Variants in KCNMA1 observed in about 807,000 individuals in gnomAD.
KCNMA1 encodes Calcium-activated potassium channel subunit alpha-1.
In KCNMA1, 29 loss-of-function variants were observed where a neutral mutation model predicts 140.0. The observed-to-expected ratio is 0.21, with a 90% CI of 0.15 to 0.28. The LOEUF (loss-of-function observed/expected upper bound fraction) is 0.28. Among genes scored for constraint, KCNMA1 ranks in the 10% least tolerant of loss-of-function variants. The pLI is 1.00. For synonymous variants in KCNMA1, 612 were observed against 611.9 expected (o/e 1.00, Z 0.00); for missense variants, 880 against 1,602.2 (o/e 0.55, Z 7.70).
intron 2 of KCNMA1, among the ~76,000 whole-genome samples, chr10:77,388,575 T>C (rs1418351404): frequency 6.6e-6 from 1 of 152,208 alleles, no homozygotes; most frequent in Non-Finnish European, 1.5e-5. Context: ...CTGTTTAATG[T>C]ACACAAAATT....
At chr10:77,305,523 T>G (rs2077486999) in intron 2 of KCNMA1, among the ~76,000 whole-genome samples, 1 of 152,160 alleles carries the variant, frequency 6.6e-6, no homozygotes, top group Non-Finnish European at 1.5e-5. Flanking sequence ...TCTTTACATC[T>G]CTTCAGGTTC....
chr10:77,224,673 C>T (rs1338945317), intron 3 of KCNMA1, among the ~76,000 whole-genome samples: 3 of 152,152 alleles, frequency 2.0e-5, no homozygotes, highest in African/African-American at 7.2e-5. Flanking sequence ...ATTGCAGTGC[C>T]AACTCAGAGC....
intron 16 of KCNMA1, among the ~76,000 whole-genome samples, chr10:77,022,014 C>A (rs2092920320): frequency 6.6e-6 from 1 of 152,192 alleles, no homozygotes; most frequent in African/African-American, 2.4e-5. Context: ...TCCCCGTCTT[C>A]TTCAAAATAT....
intron 1 of KCNMA1, among the ~76,000 whole-genome samples, chr10:77,535,574 A>G (rs1290795640): frequency 6.6e-6 from 1 of 152,182 alleles, no homozygotes; most frequent in African/African-American, 2.4e-5. Flanking sequence ...AATCACACAG[A>G]AGAGATCTCT....
intron 2 of KCNMA1, among the ~76,000 whole-genome samples, chr10:77,295,802 A>AAAAAAAAC (rs2074881975): frequency 6.7e-6 from 1 of 149,828 alleles, no homozygotes; most frequent in Non-Finnish European, 1.5e-5. Flanking sequence ...AAAAAAAAAA[A>AAAAAAAAC]AAAAAAAAAA....
At chr10:77,532,822 A>C (rs933788957) in intron 1 of KCNMA1, among the ~76,000 whole-genome samples, 6 of 152,124 alleles carry the variant, frequency 3.9e-5, no homozygotes, top group Non-Finnish European at 7.3e-5. Flanking sequence ...CAAGTGAAAA[A>C]ATCCAGATTT....
intron 2 of KCNMA1, among the ~76,000 whole-genome samples, chr10:77,267,526 T>C (rs2063765301): frequency 6.6e-6 from 1 of 152,194 alleles, no homozygotes; most frequent in African/African-American, 2.4e-5. Flanking sequence ...AAACTCTGTT[T>C]CATCTCATCA....
chr10:77,253,790 G>T (rs764429301), intron 2 of KCNMA1, among the ~76,000 whole-genome samples: 27 of 152,316 alleles, frequency 1.8e-4, no homozygotes, highest in Non-Finnish European at 3.5e-4. Context: ...ACGATGAAAT[G>T]CTCCCTGGGG....
Position 76,887,040 on chromosome 10 carries a change from T to C in KCNMA1, c.*226A>G. The stretch of plus-strand genomic sequence containing the variant: ...CCTTTGGGTTATTTTTCCCCCAGAA[T>C]CATAAATAACTTTTGGTCCGTCTGC... On this transcript the variant is annotated 3_prime_UTR_variant, in exon 28 of 28. Transcript: ENST00000286628. 1 of 1,423,416 alleles carries C rather than the reference T, an allele frequency of 7.0e-7. No individual in the cohort carries two copies. Among genetic ancestry groups the C allele is most frequent in the Non-Finnish European group, 9.2e-7 (1 of 1,085,266 alleles). 88.2% of individuals were successfully genotyped at this position (1,423,416 alleles called of 1,614,324 possible).
In KCNMA1 at chr10:77,465,198, C is replaced by A. The variant is rs560014588; in HGVS notation, c.379-61175G>T. On this transcript the variant is annotated intron_variant, in intron 1 of 27. Transcript: ENST00000286628. The stretch of plus-strand genomic sequence containing the variant: ...CGTGGCAATGAGGCCTTTGCATAGG[C>A]CACGATCCCTGCAGCAAACTGCGTT... Among the ~76,000 whole-genome samples, 8 of 152,300 alleles carry A rather than the reference C, an allele frequency of 5.3e-5. No individual in the cohort carries two copies. The South Asian group carries it at 1.7e-3, about 32-fold the overall frequency.
In KCNMA1 at chr10:77,583,405, T is replaced by C. The variant is rs139840187; in HGVS notation, c.378+53860A>G. Among the ~76,000 whole-genome samples, 5 of 152,334 alleles carry C rather than the reference T, an allele frequency of 3.3e-5. No individual in the cohort carries two copies. In the South Asian group the frequency reaches 1.0e-3, roughly 32 times the overall value. On this transcript the variant is annotated intron_variant, in intron 1 of 27. Transcript: ENST00000286628. The stretch of plus-strand genomic sequence containing the variant: ...AGAGCATGGTTGAATATTTCTCACA[T>C]AGGGACACAAGTCCAGAAGGCATAT...
At chr10:76,932,156 T>C (rs192801223) in intron 23 of KCNMA1, among the ~76,000 whole-genome samples, 138 of 152,328 alleles carry the variant, frequency 9.1e-4, no homozygotes, top group Non-Finnish European at 1.4e-3. Context: ...TCAATAGGCA[T>C]TGTATATTTG....
At chr10:77,313,149 C>T (rs918629681) in intron 2 of KCNMA1, among the ~76,000 whole-genome samples, 2 of 152,136 alleles carry the variant, frequency 1.3e-5, no homozygotes, top group African/African-American at 4.8e-5. Flanking sequence ...ATCTCTGGCT[C>T]GGAAATGGTT....
intron 1 of KCNMA1, among the ~76,000 whole-genome samples, chr10:77,531,539 C>T (rs188929256): frequency 2.0e-5 from 3 of 152,186 alleles, no homozygotes; most frequent in Admixed American, 6.5e-5. Context: ...ACCCTGCCAG[C>T]GCTCCTGCAA....
At chr10:77,226,615 G>A (rs1231604925) in intron 3 of KCNMA1, among the ~76,000 whole-genome samples, 1 of 152,116 alleles carries the variant, frequency 6.6e-6, no homozygotes, top group African/African-American at 2.4e-5. Context: ...TGGATAGCCT[G>A]TCGAAAACAA....
At chr10:77,315,065 T>C (rs181669116) in intron 2 of KCNMA1, among the ~76,000 whole-genome samples, 2 of 152,268 alleles carry the variant, frequency 1.3e-5, no homozygotes, top group Non-Finnish European at 1.5e-5. Context: ...ACCCATTAAA[T>C]AGATTTCACA....
intron 17 of KCNMA1, among the ~76,000 whole-genome samples, chr10:77,015,874 C>T (rs1196928237): frequency 1.3e-5 from 2 of 152,128 alleles, no homozygotes; most frequent in Non-Finnish European, 2.9e-5. Flanking sequence ...TCAGTCCAAG[C>T]TGCCATCATC....
At chr10:77,302,448 G>C (rs1030524398) in intron 2 of KCNMA1, among the ~76,000 whole-genome samples, 3 of 152,054 alleles carry the variant, frequency 2.0e-5, no homozygotes, top group African/African-American at 7.2e-5. Flanking sequence ...AGCATTGCTC[G>C]GGTCCAGGCC....
Position 77,183,407 on chromosome 10 carries a change from A to G in KCNMA1, c.808+14T>C. On this transcript the variant is annotated intron_variant, in intron 5 of 27. Transcript: ENST00000286628. ...CAGGAACCAGGAAGGAGAAGGAAAG[A>G]GAGGCTGACTTACCAAGCCAACTTC... The G allele has an allele frequency of 6.4e-7, 1 of 1,568,768 alleles. No individual in the cohort carries two copies.
Sources: gnomAD v4.1 joint callset for allele counts (sites outside exome capture counted in the v4.1 genomes callset) on GRCh38, gnomAD v4.1.1 for gene constraint, MANE v1.5 for transcripts, NCBI Gene and HGNC (gene_info 2026-07-23, HGNC 2026-07-21) for gene names.